The following EFCAB6 variants were observed in gnomAD, a reference collection of about 807,000 sequenced individuals.
The protein encoded by EFCAB6 is EF-hand calcium-binding domain-containing protein 6.
EFCAB6 carries 156 observed loss-of-function variants against 169.8 expected under a neutral mutation model. The ratio of observed to expected loss-of-function variants is 0.92; its 90% CI spans 0.81 to 1.05. The LOEUF (loss-of-function observed/expected upper bound fraction) is 1.05. Among genes scored for constraint, EFCAB6 ranks in the 50% least tolerant of loss-of-function variants. The pLI is 0.00. For missense variants in EFCAB6, 1,800 were observed against 1,829.1 expected, an observed-to-expected ratio of 0.98 and a Z score of 0.29; for synonymous variants, 698 against 676.4, an observed-to-expected ratio of 1.03 and a Z score of -0.50.
intron 24 of EFCAB6, among the ~76,000 whole-genome samples, chr22:43,587,628 A>G (rs2051166250): frequency 6.6e-6 from 1 of 152,158 alleles, no homozygotes. Flanking sequence ...TTATAAGGAC[A>G]CCTGTGATGG....
rs897445409 is a variant in EFCAB6 at position 43,540,265 on chromosome 22, G to A, written c.3741C>T (p.Ala1247=). Residue 1247 remains alanine (A), a synonymous_variant, in exon 28 of 32, where the codon GCC becomes GCT. Coordinates refer to ENST00000262726, the MANE Select transcript of EFCAB6 (RefSeq NM_022785.4). ...FLSRFSSETA[A]TPMATGDSAV... is the part of the protein sequence containing the mutation. ...CCGAGTCACCAGTGGCCATTGGTGT[G>A]GCTGCTGTCTCGGAACTGAACCTGC... is the stretch of plus-strand genomic sequence containing the variant. 5 of 1,614,130 alleles carry A rather than the reference G, an allele frequency of 3.1e-6. No homozygotes were observed. In the African/African-American group the frequency reaches 5.3e-5, roughly 17 times the overall value.
chr22:43,750,850 A>C (rs1005613693), intron 6 of EFCAB6, among the ~76,000 whole-genome samples: 6 of 152,228 alleles, frequency 3.9e-5, no homozygotes, highest in African/African-American at 1.4e-4. Flanking sequence ...CTTCATGAGG[A>C]TATTACAGAG....
chr22:43,770,152 C>G (rs2147957228), intron 4 of EFCAB6, among the ~76,000 whole-genome samples: 1 of 152,156 alleles, frequency 6.6e-6, no homozygotes, highest in Admixed American at 6.5e-5. Context: ...CCACCGTACC[C>G]AGCCAAGGTC....
chr22:43,678,701 T>C (rs1603178290), intron 12 of EFCAB6, among the ~76,000 whole-genome samples: 1 of 152,176 alleles, frequency 6.6e-6, no homozygotes, highest in Non-Finnish European at 1.5e-5. Flanking sequence ...AAACATATTA[T>C]GAGCAAAATA....
intron 24 of EFCAB6, among the ~76,000 whole-genome samples, chr22:43,584,561 A>G (rs943086048): frequency 6.6e-6 from 1 of 152,116 alleles, no homozygotes; most frequent in African/African-American, 2.4e-5. Context: ...TCCTGGTGCA[A>G]TATGTCCCCA....
chr22:43,600,194 C>T lies in EFCAB6; in HGVS notation c.2751G>A (p.Ser917=), dbSNP rs1396579305. ...CTGCACAGGGCCGATGGACAGCAGG[C>T]GAATAGTTAATACCCAATTTCTGTA... ...EFLQKLGINY[S]PAVHRPCAED... Residue 917 remains serine (S), a synonymous_variant, in exon 23 of 32, where the codon TCG becomes TCA. Transcript: ENST00000262726. 24 of 1,614,054 alleles carry T rather than the reference C, an allele frequency of 1.5e-5. No individual in the cohort carries two copies. Among genetic ancestry groups the T allele is most frequent in the Non-Finnish European group, 1.9e-5 (23 of 1,180,004 alleles).
chr22:43,545,612 G>T (rs1300460442), intron 27 of EFCAB6, among the ~76,000 whole-genome samples: 2 of 152,194 alleles, frequency 1.3e-5, no homozygotes, highest in Non-Finnish European at 2.9e-5. Context: ...CTGAGGCACA[G>T]GCCTGGAGAT....
chr22:43,700,923 A>G (rs1333229338), intron 10 of EFCAB6, among the ~76,000 whole-genome samples: 1 of 152,150 alleles, frequency 6.6e-6, no homozygotes, highest in African/African-American at 2.4e-5. Flanking sequence ...AGCTACTATA[A>G]ATATTTGTGC....
chr22:43,670,177 A>G lies in EFCAB6; in HGVS notation c.1641-1132T>C, dbSNP rs1378712267. On this transcript the variant is annotated intron_variant, in intron 15 of 31. Transcript: ENST00000262726. The stretch of plus-strand genomic sequence containing the variant: ...CAACAAACCACTATTTTGAAACTCC[A>G]AAGTTTTCCCTGAGCCTATATGAAA... Among the ~76,000 whole-genome samples the G allele has an allele frequency of 3.3e-5, 5 of 152,182 alleles. No individual in the cohort carries two copies. In the East Asian group the frequency reaches 5.8e-4, roughly 18 times the overall value.
At chr22:43,667,011 C>T (rs2057292623) in intron 17 of EFCAB6, 93 bp downstream of exon 17, 2 of 1,438,564 alleles carry the variant, frequency 1.4e-6, no homozygotes, top group African/African-American at 2.9e-5. Context: ...TCTGCTGCGT[C>T]CTGGGATAAG....
At position 43,555,114 on chromosome 22, in the gene EFCAB6, G is replaced by A. The variant is rs774206653; in HGVS notation, c.3421-18C>T. The A allele has an allele frequency of 2.5e-6, 4 of 1,613,116 alleles. No homozygotes were observed. The highest frequency in any genetic ancestry group is 8.5e-7 in the Non-Finnish European group (1 of 1,179,326). On this transcript the variant is annotated intron_variant, in intron 26 of 31. Transcript: ENST00000262726. Reference sequence around the variant, plus strand: ...TCAGCTGTCTGGACAAAATAGAATGGAAATTGATCCATGTGAGAAATAATC... The same window carrying A: ...TCAGCTGTCTGGACAAAATAGAATGAAAATTGATCCATGTGAGAAATAATC...
intron 7 of EFCAB6, 71 bp from the exon 8 acceptor site, chr22:43,731,882 T>C (rs67644160): frequency 0.044 from 35,893 of 812,480 alleles, 859 homozygotes; most frequent in African/African-American, 0.054. Flanking sequence ...TACTAAGGTA[T>C]CCTTTACACT....
At chr22:43,651,127 G>T (rs963120688) in intron 17 of EFCAB6, among the ~76,000 whole-genome samples, 1 of 152,222 alleles carries the variant, frequency 6.6e-6, no homozygotes, top group East Asian at 1.9e-4. Flanking sequence ...TGGTGAAAAT[G>T]TCTCCAGGGC....
intron 6 of EFCAB6, among the ~76,000 whole-genome samples, chr22:43,739,762 T>C (rs752339550): frequency 7.9e-5 from 12 of 151,990 alleles, no homozygotes; most frequent in Non-Finnish European, 1.2e-4. Context: ...ATTTCCACAA[T>C]GCAATCATGT....
At chr22:43,601,673 T>C (rs2052532596) in intron 22 of EFCAB6, among the ~76,000 whole-genome samples, 1 of 152,226 alleles carries the variant, frequency 6.6e-6, no homozygotes, top group African/African-American at 2.4e-5. Context: ...AAGAAAATGT[T>C]CTTATTGACC....
intron 25 of EFCAB6, among the ~76,000 whole-genome samples, chr22:43,579,252 A>G (rs1378977513): frequency 6.6e-6 from 1 of 151,410 alleles, no homozygotes; most frequent in Non-Finnish European, 1.5e-5. Flanking sequence ...ACATGCAGGC[A>G]TCATTCCCTA....
chr22:43,639,743 T>C (rs543844027), intron 17 of EFCAB6, among the ~76,000 whole-genome samples: 1 of 152,312 alleles, frequency 6.6e-6, no homozygotes, highest in South Asian at 2.1e-4. Context: ...CTAGTCCCTG[T>C]CTTTTTTCCT....
intron 31 of EFCAB6, 82 bp downstream of exon 31, chr22:43,530,733 A>G: frequency 1.3e-6 from 2 of 1,587,052 alleles, no homozygotes; most frequent in Non-Finnish European, 1.7e-6. Context: ...CAGCAGGTAG[A>G]GGGCTCCCCG....
In EFCAB6 at chr22:43,782,266, C is replaced by T. The variant is rs906091427; in HGVS notation, c.53G>A (p.Arg18Gln). ...ATGGGGTCTTGAATGTGTAAATTTT[C>T]GTGTGTGAGGATGCGACCTAAGCCA... is the stretch of plus-strand genomic sequence containing the variant. ...PDWLRSHPHTRKFTHSRPHSS... is the reference protein window; with the variant it reads ...PDWLRSHPHTQKFTHSRPHSS... The change falls in exon 3 of 32, where the codon CGA becomes CAA. Residue 18 changes from arginine to glutamine, a missense_variant. Arg to Gln is a conservative substitution (Grantham distance 43). Transcript: ENST00000262726. The T allele has an allele frequency of 7.4e-6, 12 of 1,613,900 alleles. No individual in the cohort carries two copies. Among genetic ancestry groups the T allele is most frequent in the Middle Eastern group, 1.6e-4 (1 of 6,082 alleles).
Sources: allele counts gnomAD v4.1 joint callset (sites outside exome capture counted in the v4.1 genomes callset), GRCh38; gene constraint gnomAD v4.1.1; transcripts MANE v1.5; gene names NCBI Gene and HGNC (gene_info 2026-07-23, HGNC 2026-07-21).